Variants in NRXN3 observed in about 807,000 individuals in gnomAD.
NRXN3 encodes neurexin III.
NRXN3 carries 32 observed loss-of-function variants against 137.6 expected under a neutral mutation model. The ratio of observed to expected loss-of-function variants is 0.23; its 90% CI spans 0.18 to 0.31. The LOEUF is 0.31. Among genes scored for constraint, NRXN3 ranks in the 10% least tolerant of loss-of-function variants. NRXN3 has a pLI of 1.00. For missense variants in NRXN3, 1,574 were observed against 2,062.5 expected (o/e 0.76, Z 4.59); for synonymous variants, 798 against 784.5 (o/e 1.02, Z -0.29).
intron 4 of NRXN3, among the ~76,000 whole-genome samples, chr14:78,464,415 G>T (rs917702923): frequency 6.6e-6 from 1 of 152,096 alleles, no homozygotes; most frequent in African/African-American, 2.4e-5. Flanking sequence ...GGAGGCTGTT[G>T]GGATGACTGA....
chr14:79,416,801 C>G (rs944819305), intron 15 of NRXN3, among the ~76,000 whole-genome samples: 9 of 152,138 alleles, frequency 5.9e-5, no homozygotes, highest in African/African-American at 9.7e-5. Context: ...AGTGTGATTG[C>G]AAGCACAAAC....
At chr14:79,284,323 C>A (rs2081821898) in intron 15 of NRXN3, among the ~76,000 whole-genome samples, 1 of 129,050 alleles carries the variant, frequency 7.7e-6, no homozygotes, top group Non-Finnish European at 1.6e-5. Context: ...CATGGGGAAA[C>A]CCCGTCTCTA....
intron 4 of NRXN3, among the ~76,000 whole-genome samples, chr14:78,385,738 CTTCT>C (rs979988006): frequency 3.3e-5 from 5 of 152,206 alleles, no homozygotes; most frequent in Admixed American, 2.0e-4. Context: ...TAAGAATCCT[CTTCT>C]TTCTTAGTAC....
At chr14:78,706,341 ATTGCCTGAGGATCCTGCAATAT>A (rs2098348972) in intron 6 of NRXN3, among the ~76,000 whole-genome samples, 1 of 152,244 alleles carries the variant, frequency 6.6e-6, no homozygotes, top group Non-Finnish European at 1.5e-5. Context: ...CACTTGAGTG[ATTGCCTGAGGATCCTGCAATAT>A]TTCCCTTTGC....
chr14:79,342,335 TC>T (rs963880695), intron 15 of NRXN3, among the ~76,000 whole-genome samples: 2 of 152,172 alleles, frequency 1.3e-5, no homozygotes, highest in Non-Finnish European at 2.9e-5. Context: ...CACAGGGTTG[TC>T]CCCAGACTTG....
At chr14:78,574,426 A>T (rs1262148476) in intron 4 of NRXN3, among the ~76,000 whole-genome samples, 1 of 152,242 alleles carries the variant, frequency 6.6e-6, no homozygotes, top group Non-Finnish European at 1.5e-5. Context: ...CAGCCGAAAG[A>T]GGGGCTGTAT....
At chr14:79,481,706 T>A (rs571626958) in intron 16 of NRXN3, among the ~76,000 whole-genome samples, 1 of 152,322 alleles carries the variant, frequency 6.6e-6, no homozygotes, top group Non-Finnish European at 1.5e-5. Context: ...GTTTAATACA[T>A]GTAGAGCTGG....
At chr14:79,444,218 A>G (rs1171310775) in intron 15 of NRXN3, among the ~76,000 whole-genome samples, 2 of 152,158 alleles carry the variant, frequency 1.3e-5, no homozygotes, top group Non-Finnish European at 2.9e-5. Context: ...TATTGGGCTG[A>G]GAGTGTTGAG....
intron 8 of NRXN3, among the ~76,000 whole-genome samples, chr14:78,721,518 A>G (rs1032016422): frequency 1.3e-5 from 2 of 152,124 alleles, no homozygotes; most frequent in Non-Finnish European, 2.9e-5. Context: ...AAGGGCAGCA[A>G]TGTGAGTCCT....
chr14:79,227,519 A>G (rs2071157763), intron 15 of NRXN3, among the ~76,000 whole-genome samples: 2 of 152,090 alleles, frequency 1.3e-5, no homozygotes, highest in Non-Finnish European at 2.9e-5. Flanking sequence ...ATTAAAGAAA[A>G]TGTCACCAAA....
chr14:79,512,854 C>G (rs1188448293), intron 16 of NRXN3, among the ~76,000 whole-genome samples: 1 of 152,178 alleles, frequency 6.6e-6, no homozygotes, highest in African/African-American at 2.4e-5. Context: ...ATAACCTATT[C>G]TGTATGGCAT....
chr14:79,133,609 C>A (rs1049127883), intron 15 of NRXN3, among the ~76,000 whole-genome samples: 3 of 152,078 alleles, frequency 2.0e-5, no homozygotes, highest in Admixed American at 2.0e-4. Flanking sequence ...AAGCCTTGTT[C>A]CAAGATTGGT....
At chr14:79,826,013 G>T (rs916203659) in intron 20 of NRXN3, among the ~76,000 whole-genome samples, 3 of 145,110 alleles carry the variant, frequency 2.1e-5, no homozygotes, top group Non-Finnish European at 4.5e-5. Context: ...TTTTTTTTGT[G>T]GGGGGACAGT....
In NRXN3 at chr14:78,386,907, G is replaced by C. The variant is rs141291936; in HGVS notation, c.757+89047G>C. Among the ~76,000 whole-genome samples, 127 of 151,996 alleles carry C rather than the reference G, an allele frequency of 8.4e-4. 2 individuals carry two copies. Among genetic ancestry groups the C allele is most frequent in the African/African-American group, 2.8e-3 (115 of 41,466 alleles). ...TGATTGTCCTATCTCAGCCTCCCAA[G>C]TAGCTGGGACTACAGGCATGCACCA... On this transcript the variant is annotated intron_variant, in intron 4 of 20. Transcript: ENST00000335750.
At chr14:79,190,240 C>T (rs1360721992) in intron 15 of NRXN3, among the ~76,000 whole-genome samples, 1 of 151,976 alleles carries the variant, frequency 6.6e-6, no homozygotes, top group African/African-American at 2.4e-5. Context: ...CATCATCAGG[C>T]TATTCTTGAC....
At chr14:78,544,267 C>T (rs956587163) in intron 4 of NRXN3, among the ~76,000 whole-genome samples, 3 of 152,220 alleles carry the variant, frequency 2.0e-5, no homozygotes, top group African/African-American at 7.2e-5. Flanking sequence ...GTGTCTCATA[C>T]ACCTTCTCCA....
chr14:78,369,119 T>A lies in NRXN3; in HGVS notation c.757+71259T>A, dbSNP rs187615721. ...CATCTAAATTTATCTACCTGTGAAATGAAATTGCTAAGGTTTACTCTATGA... is the reference window on the plus strand; with the variant it reads ...CATCTAAATTTATCTACCTGTGAAAAGAAATTGCTAAGGTTTACTCTATGA... On this transcript the variant is annotated intron_variant, in intron 4 of 20. Coordinates refer to ENST00000335750, the MANE Select transcript of NRXN3 (RefSeq NM_001330195.2). 2.8e-3 allele frequency among the ~76,000 whole-genome samples: 433 copies of A among 152,234 alleles called. 2 individuals carry two copies. Among genetic ancestry groups the A allele is most frequent in the Middle Eastern group, 0.01 (3 of 294 alleles).
chr14:79,380,711 C>T (rs1232373662), intron 15 of NRXN3, among the ~76,000 whole-genome samples: 1 of 151,948 alleles, frequency 6.6e-6, no homozygotes, highest in Non-Finnish European at 1.5e-5. Context: ...GGGTATATAC[C>T]CAGTAATGGG....
intron 4 of NRXN3, among the ~76,000 whole-genome samples, chr14:78,384,507 G>A (rs1474100611): frequency 6.6e-6 from 1 of 152,122 alleles, no homozygotes; most frequent in Non-Finnish European, 1.5e-5. Context: ...AAACACACCA[G>A]CAATTTTCAA....
Sources: allele counts gnomAD v4.1 joint callset (sites outside exome capture counted in the v4.1 genomes callset), GRCh38; gene constraint gnomAD v4.1.1; transcripts MANE v1.5; gene names NCBI Gene and HGNC (gene_info 2026-07-23, HGNC 2026-07-21).